The following PACS2 variants were observed in gnomAD, a reference collection of about 807,000 sequenced individuals.
The protein encoded by PACS2 is phosphofurin acidic cluster sorting protein 2.
PACS2 carries 36 observed loss-of-function variants against 113.0 expected under a neutral mutation model. The ratio of observed to expected loss-of-function variants is 0.32; its 90% CI spans 0.24 to 0.42. The LOEUF (loss-of-function observed/expected upper bound fraction) is 0.42. PACS2 is among the 10% of genes least tolerant of loss of function. PACS2 has a pLI of 1.00. For missense variants in PACS2, 1,015 were observed against 1,239.5 expected, an observed-to-expected ratio of 0.82 and a Z score of 2.72; for synonymous variants, 589 against 536.1, an observed-to-expected ratio of 1.10 and a Z score of -1.36.
In PACS2 at chr14:105,330,961, ATT is replaced by A. The variant is rs113338768; in HGVS notation, c.119+15937_119+15938del. Among the ~76,000 whole-genome samples, 5 of 142,322 alleles carry A rather than the reference ATT, an allele frequency of 3.5e-5. No individual in the cohort carries two copies. The highest frequency in any genetic ancestry group is 3.1e-5 in the Non-Finnish European group (2 of 64,652). The allele number at this position is 142,322 out of a possible 152,430, so 93.4% of individuals were successfully genotyped here. ...GGCTTTGTTGGATGCTGGGGTTGGC[ATT>A]TTTTTTTTTTTTGAGACAGAGTCAT... On this transcript the variant is annotated intron_variant, in intron 1 of 24. Coordinates refer to ENST00000447393, the MANE Select transcript of PACS2 (RefSeq NM_001100913.3). The surrounding 1 kb of genome is among the most constrained non-coding windows in gnomAD (Gnocchi z 6.9).
intron 21 of PACS2, 112 bp downstream of exon 21, chr14:105,391,361 C>A: frequency 1.2e-6 from 1 of 827,596 alleles, no homozygotes; most frequent in Non-Finnish European, 2.0e-6. Flanking sequence ...AGAGCCGCCA[C>A]GTCCCAGTCT....
chr14:105,363,821 A>T (rs1194925454), intron 4 of PACS2, among the ~76,000 whole-genome samples: 1 of 152,080 alleles, frequency 6.6e-6, no homozygotes, highest in Non-Finnish European at 1.5e-5. Flanking sequence ...CTAGGTTCTC[A>T]TTGAAAGAGA....
At chr14:105,319,380 C>T (rs1332661629) in intron 1 of PACS2, among the ~76,000 whole-genome samples, 2 of 152,226 alleles carry the variant, frequency 1.3e-5, no homozygotes, top group Non-Finnish European at 2.9e-5. Context: ...AAGCTATTTA[C>T]TTAGGTCTTG....
At chr14:105,363,939 A>T (rs1340333553) in intron 4 of PACS2, among the ~76,000 whole-genome samples, 1 of 152,104 alleles carries the variant, frequency 6.6e-6, no homozygotes, top group African/African-American at 2.4e-5. Flanking sequence ...GGAGAGACAG[A>T]CATGGGAATG....
At chr14:105,368,230 C>A in intron 6 of PACS2, 83 bp downstream of exon 6, 2 of 1,050,588 alleles carry the variant, frequency 1.9e-6, no homozygotes, top group Non-Finnish European at 2.9e-6. Context: ...CAGCTGTCAC[C>A]AGGGCCTCGT....
At chr14:105,381,570 C>A (rs1384996169) in intron 12 of PACS2, among the ~76,000 whole-genome samples, 2 of 152,240 alleles carry the variant, frequency 1.3e-5, no homozygotes, top group Non-Finnish European at 2.9e-5. Context: ...GTGCCCTGCA[C>A]TGGCCTGCAC....
At chr14:105,311,760 C>G (rs1171641712), upstream of PACS2, among the ~76,000 whole-genome samples, 2 of 152,216 alleles carry the variant, frequency 1.3e-5, no homozygotes, top group Non-Finnish European at 1.5e-5. Context: ...GGTCTTAGAG[C>G]TCTTGGCCAT....
chr14:105,393,736 C>T (rs1355786519), intron 24 of PACS2, among the ~76,000 whole-genome samples: 3 of 151,814 alleles, frequency 2.0e-5, no homozygotes. Context: ...ATTACAGGCG[C>T]GTGCCACCAC....
rs2060415391 is a variant in PACS2, at chr14:105,355,697, G to A, written c.423+520G>A. 6.6e-6 allele frequency among the ~76,000 whole-genome samples: 1 copy of A among 152,204 alleles called. No homozygotes were observed. Among genetic ancestry groups the A allele is most frequent in the Non-Finnish European group, 1.5e-5 (1 of 68,034 alleles). On this transcript the variant is annotated intron_variant, in intron 4 of 24. Coordinates refer to ENST00000447393, the MANE Select transcript of PACS2 (RefSeq NM_001100913.3). The surrounding 1 kb of genome is among the most constrained non-coding windows in gnomAD (Gnocchi z 4.1). Reference sequence around the variant, plus strand: ...AGGGGTGGCTGGAGTTCCCTGGAGGGGAAAGAAGGGGAAGTACCTCAAAAG... The same window carrying A: ...AGGGGTGGCTGGAGTTCCCTGGAGGAGAAAGAAGGGGAAGTACCTCAAAAG...
Position 105,390,899 on chromosome 14 carries a change from G to T in PACS2, c.2077-308G>T, listed in dbSNP as rs1268730215. The stretch of plus-strand genomic sequence containing the variant: ...GGCCTATCCCCGTCGGCCCGCCAAG[G>T]TCCCTCTCACCAGCGTCCTGTTTTT... On this transcript the variant is annotated intron_variant, in intron 20 of 24. Coordinates refer to ENST00000447393, the MANE Select transcript of PACS2 (RefSeq NM_001100913.3). 6.7e-6 allele frequency: 3 copies of T among 448,072 alleles called. No homozygotes were observed. The Admixed American group carries it at 1.1e-4, about 17-fold the overall frequency. 27.8% of individuals were successfully genotyped at this position (448,072 alleles called of 1,614,324 possible).
chr14:105,344,302 T>G (rs184229522), intron 1 of PACS2, among the ~76,000 whole-genome samples: 121 of 152,066 alleles, frequency 8.0e-4, no homozygotes, highest in African/African-American at 2.6e-3. Flanking sequence ...TTAATTGATT[T>G]ATTTTTGAGA....
rs2060526109 is a variant in PACS2, at chr14:105,358,117, C to G, written c.423+2940C>G. 6.6e-6 allele frequency among the ~76,000 whole-genome samples: 1 copy of G among 152,172 alleles called. No homozygotes were observed. The highest frequency in any genetic ancestry group is 2.4e-5 in the African/African-American group (1 of 41,452). On this transcript the variant is annotated intron_variant, in intron 4 of 24. Transcript: ENST00000447393. This position sits in a 1 kb window ranked among gnomAD's most constrained non-coding sequence, Gnocchi z 4.9. ...CCTGGGCCCCTGCCACACCATAGCT[C>G]TGCCCTCACCTGGCACTCATTCTGT... is the stretch of plus-strand genomic sequence containing the variant.
intron 16 of PACS2, chr14:105,383,721 TA>T (rs1430545684): frequency 1.5e-5 from 8 of 550,260 alleles, no homozygotes; most frequent in Non-Finnish European, 2.5e-5. Context: ...AACACTTTGT[TA>T]ATTTTAATTA....
chr14:105,385,080 G>A (rs1210333512), intron 18 of PACS2, 93 bp downstream of exon 18: 4 of 826,656 alleles, frequency 4.8e-6, no homozygotes, highest in Admixed American at 2.0e-5. Context: ...TTGGCCTGGT[G>A]GGCCGCAGAG....
rs587757822 is a variant in PACS2 at position 105,301,821 on chromosome 14, A to G, written c.-83+842A>G. Among the ~76,000 whole-genome samples, 3 of 152,324 alleles carry G rather than the reference A, an allele frequency of 2.0e-5. No homozygotes were observed. The South Asian group carries it at 6.2e-4, about 32-fold the overall frequency. ...GTTCACAATCGCCATAGGGCCGGTG[A>G]CATACCCAGGAATGAGCCTAAAAAG... On this transcript the variant is annotated intron_variant, in intron 1 of 23. Transcript: ENST00000430725.
chr14:105,317,533 C>T lies in PACS2; in HGVS notation c.119+2496C>T, dbSNP rs934283887. 2.0e-5 allele frequency among the ~76,000 whole-genome samples: 3 copies of T among 152,188 alleles called. No homozygotes were observed. The highest frequency in any genetic ancestry group is 2.9e-5 in the Non-Finnish European group (2 of 68,030). ...CAGTCTGGTGGGTGTGAAGTGGTAT[C>T]GTGGTTTTAACTTGAATTTCTCTGA... On this transcript the variant is annotated intron_variant, in intron 1 of 24. Coordinates refer to ENST00000447393, the MANE Select transcript of PACS2 (RefSeq NM_001100913.3). The surrounding 1 kb of genome is among the most constrained non-coding windows in gnomAD (Gnocchi z 4.2).
chr14:105,316,892 G>C (rs1021130736), intron 1 of PACS2, among the ~76,000 whole-genome samples: 3 of 146,290 alleles, frequency 2.1e-5, no homozygotes, highest in African/African-American at 8.3e-5. Context: ...GAGTTAATGG[G>C]CGGAGGGGCG....
chr14:105,383,173 G>C lies in PACS2; in HGVS notation c.1626-186G>C. ...GGAAGCCTGGGCTGAGGCCATGACT[G>C]TGTGGTCCCTCAGCCTGGGCACGTT... is the stretch of plus-strand genomic sequence containing the variant. On this transcript the variant is annotated intron_variant, in intron 15 of 24. Coordinates refer to ENST00000447393, the MANE Select transcript of PACS2 (RefSeq NM_001100913.3). The C allele has an allele frequency of 4.2e-6, 3 of 711,220 alleles. 1 individual carries two copies. In the South Asian group the frequency reaches 4.9e-5, roughly 12 times the overall value. 44.1% of individuals were successfully genotyped at this position (711,220 alleles called of 1,614,324 possible).
upstream of PACS2, among the ~76,000 whole-genome samples, chr14:105,311,866 C>T (rs1595528879): frequency 1.3e-5 from 2 of 152,348 alleles, no homozygotes; most frequent in African/African-American, 4.8e-5. Context: ...TGGCCATGTG[C>T]TCCAACCATG....
Sources: allele counts gnomAD v4.1 joint callset (sites outside exome capture counted in the v4.1 genomes callset), GRCh38; gene constraint gnomAD v4.1.1; non-coding constraint Gnocchi (gnomAD v3.1); transcripts MANE v1.5; gene names NCBI Gene and HGNC (gene_info 2026-07-23, HGNC 2026-07-21).